Variants in WNT16 observed in about 807,000 individuals in gnomAD.
WNT16 encodes the protein protein Wnt-16.
A neutral mutation model predicts 35.4 loss-of-function variants in WNT16; 20 were observed. That is an observed-to-expected ratio of 0.56 (90% CI 0.40 to 0.82). WNT16 has a LOEUF of 0.82. Among genes scored for constraint, WNT16 ranks in the 40% least tolerant of loss-of-function variants. The probability of loss-of-function intolerance (pLI) is 0.00; values close to 1 mark genes in which losing one functional copy is unlikely to be tolerated. For missense variants in WNT16, 461 were observed against 466.0 expected, an observed-to-expected ratio of 0.99 and a Z score of 0.10; for synonymous variants, 180 against 179.2, an observed-to-expected ratio of 1.00 and a Z score of -0.03.
chr7:121,326,036 CTCAAA>C (rs1252344382), upstream of WNT16, among the ~76,000 whole-genome samples: 1 of 57,796 alleles, frequency 1.7e-5, no homozygotes, highest in African/African-American at 1.1e-4. Context: ...GATACCTCAT[CTCAAA>C]AAAAAAAAAA....
intron 2 of WNT16, among the ~76,000 whole-genome samples, chr7:121,330,187 G>A (rs1477627059): frequency 3.9e-5 from 6 of 152,218 alleles, no homozygotes; most frequent in East Asian, 1.9e-4. Context: ...CGGGGAATGC[G>A]GCTGCCGCAT....
upstream of WNT16, among the ~76,000 whole-genome samples, chr7:121,325,759 G>A (rs1364569472): frequency 1.3e-5 from 2 of 152,016 alleles, no homozygotes; most frequent in African/African-American, 2.4e-5. Context: ...ACAGGGTCTT[G>A]GCCAGGTGCC....
At chr7:121,327,958 T>C (rs1478738578), upstream of WNT16, among the ~76,000 whole-genome samples, 1 of 152,220 alleles carries the variant, frequency 6.6e-6, no homozygotes, top group African/African-American at 2.4e-5. Flanking sequence ...CCCTGCTAGA[T>C]TCTTTAATCT....
chr7:121,330,239 A>G (rs1273553802), intron 2 of WNT16, among the ~76,000 whole-genome samples: 3 of 152,232 alleles, frequency 2.0e-5, no homozygotes, highest in Non-Finnish European at 4.4e-5. Context: ...CAAACCCCGG[A>G]CAAGTGGCTA....
upstream of WNT16, chr7:121,325,549 G>A (rs1793231409): frequency 1.3e-6 from 2 of 1,491,226 alleles, no homozygotes; most frequent in Admixed American, 3.7e-5. Context: ...TCTGTGAATT[G>A]TGACGTAAGG....
chr7:121,327,420 A>AACTC, upstream of WNT16, among the ~76,000 whole-genome samples: 1 of 140,948 alleles, frequency 7.1e-6, no homozygotes, highest in East Asian at 2.1e-4. Context: ...GCGCTATCTC[A>AACTC]ACTCACTGCA....
At chr7:121,337,925 T>C (rs1793466789) in intron 3 of WNT16, among the ~76,000 whole-genome samples, 1 of 152,228 alleles carries the variant, frequency 6.6e-6, no homozygotes, top group African/African-American at 2.4e-5. Flanking sequence ...GTATTTTCCA[T>C]GCTAGGATAA....
chr7:121,337,188 T>G (rs1450628805), intron 3 of WNT16, among the ~76,000 whole-genome samples: 2 of 152,164 alleles, frequency 1.3e-5, no homozygotes. Flanking sequence ...TAAGAAGAAA[T>G]AGATACATCT....
At chr7:121,329,434 G>A (rs763081629) in intron 1 of WNT16, 47 bp downstream of exon 1, 4 of 1,598,624 alleles carry the variant, frequency 2.5e-6, no homozygotes, top group Admixed American at 1.7e-5. Flanking sequence ...GGCAAAAGGG[G>A]TGCCCAATCC....
At chr7:121,325,623 G>T (rs184927120), upstream of WNT16, 4 of 704,772 alleles carry the variant, frequency 5.7e-6, no homozygotes, top group African/African-American at 5.5e-5. Flanking sequence ...TAAGATTTGG[G>T]GATTTGATCA....
intron 2 of WNT16, among the ~76,000 whole-genome samples, chr7:121,330,600 C>T (rs1425699958): frequency 1.3e-5 from 2 of 151,992 alleles, no homozygotes; most frequent in Admixed American, 6.5e-5. Context: ...GTTCCCCCTC[C>T]GCCTTTGACC....
At position 121,339,597 on chromosome 7, in the gene WNT16, A is replaced by G; in HGVS notation, c.*252A>G. ...CACCTTTTGATGATTTGGGGAATATATATTGACATACAAGGAAGATAATCT... is the reference window on the plus strand; with the variant it reads ...CACCTTTTGATGATTTGGGGAATATGTATTGACATACAAGGAAGATAATCT... On this transcript the variant is annotated 3_prime_UTR_variant, in exon 4 of 4. Transcript: ENST00000222462. 1 of 491,982 alleles carries G rather than the reference A, an allele frequency of 2.0e-6. No individual in the cohort carries two copies. The highest frequency in any genetic ancestry group is 2.9e-5 in the East Asian group (1 of 34,666). The allele number at this position is 491,982 out of a possible 1,614,324, so 30.5% of individuals were successfully genotyped here. A position where few individuals can be genotyped will look rare whatever the true frequency, so the allele number is the denominator to read the frequency against.
intron 2 of WNT16, 127 bp downstream of exon 2, chr7:121,329,944 G>C (rs1793312739): frequency 2.2e-6 from 3 of 1,395,348 alleles, no homozygotes; most frequent in African/African-American, 2.9e-5. Flanking sequence ...AAGCCCTTTA[G>C]TGCACGGGGA....
At chr7:121,334,461 GAT>G (rs1793404624) in intron 3 of WNT16, among the ~76,000 whole-genome samples, 1 of 152,048 alleles carries the variant, frequency 6.6e-6, no homozygotes, top group Non-Finnish European at 1.5e-5. Flanking sequence ...ATCTAACATG[GAT>G]GAGCAATCAA....
At chr7:121,336,562 T>C (rs1025148685) in intron 3 of WNT16, among the ~76,000 whole-genome samples, 1 of 152,162 alleles carries the variant, frequency 6.6e-6, no homozygotes, top group Non-Finnish European at 1.5e-5. Context: ...AGTAACACTA[T>C]TGTGGACGGG....
rs767479639 is a variant in WNT16, at chr7:121,331,890, A to G, written c.559A>G (p.Ile187Val). The change falls in exon 3 of 4, where the codon ATC becomes GTC. Residue 187 changes from isoleucine to valine, a missense_variant. Coordinates refer to ENST00000222462, the MANE Select transcript of WNT16 (RefSeq NM_057168.2). ...CAGCAGAAAGTTCCTAGATTTCCCC[A>G]TCGGAAACACCACGGGCAAAGAAAA... The part of the protein sequence containing the change: ...WFSRKFLDFP[I>V]GNTTGKENKV... 4 of 1,614,180 alleles carry G rather than the reference A, an allele frequency of 2.5e-6. No homozygotes were observed. Among genetic ancestry groups the G allele is most frequent in the South Asian group, 2.2e-5 (2 of 91,088 alleles).
chr7:121,331,510 A>T (rs1026560121), intron 2 of WNT16, among the ~76,000 whole-genome samples, 168 bp from the exon 3 acceptor site: 2 of 151,644 alleles, frequency 1.3e-5, no homozygotes, highest in Non-Finnish European at 3.0e-5. Flanking sequence ...GCTTTTTAAG[A>T]GACTAGAACA....
chr7:121,332,766 C>G (rs1485760438), intron 3 of WNT16, among the ~76,000 whole-genome samples: 3 of 151,942 alleles, frequency 2.0e-5, no homozygotes, highest in Non-Finnish European at 4.4e-5. Flanking sequence ...CATAAAGAAG[C>G]TATAGGTATA....
In WNT16 at chr7:121,341,021, G is replaced by A. The variant is rs1793525170; in HGVS notation, c.*1676G>A. The A allele has an allele frequency of 6.6e-6, 1 of 152,052 alleles. No individual in the cohort carries two copies. Among genetic ancestry groups the A allele is most frequent in the Non-Finnish European group, 1.5e-5 (1 of 67,974 alleles). 9.4% of individuals were successfully genotyped at this position (152,052 alleles called of 1,614,324 possible). On this transcript the variant is annotated 3_prime_UTR_variant, in exon 4 of 4. Coordinates refer to ENST00000222462, the MANE Select transcript of WNT16 (RefSeq NM_057168.2). The stretch of plus-strand genomic sequence containing the variant: ...CTCTTTAATTTTATTCACTGAGGCA[G>A]AGAAACAATTTTTGAAAAAGAGCAA...
Sources: allele counts gnomAD v4.1 joint callset (sites outside exome capture counted in the v4.1 genomes callset), GRCh38; gene constraint gnomAD v4.1.1; transcripts MANE v1.5; gene names NCBI Gene and HGNC (gene_info 2026-07-23, HGNC 2026-07-21).